The following VPS13A variants were observed in gnomAD, a reference collection of about 807,000 sequenced individuals.
VPS13A encodes the protein intermembrane lipid transfer protein VPS13A.
Under a neutral mutation model 390.9 loss-of-function variants are expected in VPS13A, and 264 were observed. That is an observed-to-expected ratio of 0.68 (90% CI 0.61 to 0.75). The LOEUF is 0.75. Among genes scored for constraint, VPS13A ranks in the 30% least tolerant of loss-of-function variants. The probability of loss-of-function intolerance (pLI) is 0.00; values close to 1 mark genes in which losing one functional copy is unlikely to be tolerated. For synonymous variants in VPS13A, 1,231 were observed against 1,227.1 expected (o/e 1.00, Z -0.07); for missense variants, 3,409 against 3,733.9 (o/e 0.91, Z 2.27).
intron 31 of VPS13A, among the ~76,000 whole-genome samples, chr9:77,289,143 G>A (rs190413537): frequency 6.6e-6 from 1 of 152,182 alleles, no homozygotes; most frequent in African/African-American, 2.4e-5. Flanking sequence ...TGTTGCCCAG[G>A]GTGGTCTTGA....
intron 53 of VPS13A, among the ~76,000 whole-genome samples, chr9:77,351,872 AAAAC>A (rs1398603096): frequency 6.6e-6 from 1 of 152,216 alleles, no homozygotes. Context: ...CGTCTCAAAA[AAAAC>A]AAACAAAAAA....
At chr9:77,295,086 A>G (rs1383078166) in intron 32 of VPS13A, among the ~76,000 whole-genome samples, 1 of 152,060 alleles carries the variant, frequency 6.6e-6, no homozygotes, top group Non-Finnish European at 1.5e-5. Context: ...GTATAAGAGT[A>G]TAAATATAGA....
chr9:77,307,289 A>G (rs1205187572), intron 34 of VPS13A, among the ~76,000 whole-genome samples: 2 of 152,156 alleles, frequency 1.3e-5, no homozygotes, highest in African/African-American at 2.4e-5. Context: ...TCTTATAAAT[A>G]TAAATATCAG....
intron 19 of VPS13A, among the ~76,000 whole-genome samples, chr9:77,243,845 A>G (rs933014073): frequency 6.6e-6 from 1 of 152,178 alleles, no homozygotes; most frequent in Non-Finnish European, 1.5e-5. Context: ...CCAATCAGGA[A>G]AGAAAAACCA....
intron 34 of VPS13A, 35 bp from the exon 35 acceptor site, chr9:77,307,910 A>G: frequency 6.6e-7 from 1 of 1,516,036 alleles, no homozygotes; most frequent in Non-Finnish European, 9.1e-7. Flanking sequence ...ATGAAGTAGC[A>G]GTGCTAAAAA....
At chr9:77,415,573 C>A (rs1417543405) in intron 71 of VPS13A, among the ~76,000 whole-genome samples, 1 of 152,100 alleles carries the variant, frequency 6.6e-6, no homozygotes, top group Non-Finnish European at 1.5e-5. Flanking sequence ...GCTTCTACTA[C>A]CCTCTCTGGA....
At chr9:77,407,099 A>G (rs1190717542) in intron 70 of VPS13A, among the ~76,000 whole-genome samples, 1 of 152,200 alleles carries the variant, frequency 6.6e-6, no homozygotes, top group African/African-American at 2.4e-5. Flanking sequence ...ACATGCACAT[A>G]CAATATATGT....
chr9:77,186,408 T>G (rs1410463346), intron 1 of VPS13A, among the ~76,000 whole-genome samples: 2 of 152,182 alleles, frequency 1.3e-5, no homozygotes, highest in Non-Finnish European at 2.9e-5. Flanking sequence ...TAAATCATTT[T>G]CCTTCTTTCT....
rs1488642209 is a variant in VPS13A, at chr9:77,228,117, C to T, written c.1453-5C>T. 5.1e-6 allele frequency: 8 copies of T among 1,581,650 alleles called. No homozygotes were observed. The highest frequency in any genetic ancestry group is 6.9e-6 in the Non-Finnish European group (8 of 1,159,248). On this transcript the variant is annotated splice_region_variant and splice_polypyrimidine_tract_variant and intron_variant, in intron 16 of 71. Transcript: ENST00000360280. ...TTTCATTTTATTCTTCTGAATATAC[C>T]TTAGTTTGAAGCCTTGAAGTTTTTT...
At chr9:77,249,180 A>G (rs1377492191) in intron 20 of VPS13A, among the ~76,000 whole-genome samples, 1 of 152,206 alleles carries the variant, frequency 6.6e-6, no homozygotes, top group Non-Finnish European at 1.5e-5. Context: ...TTTTCTGGCC[A>G]CTTAACAAAA....
chr9:77,226,674 A>G, intron 15 of VPS13A, 76 bp downstream of exon 15: 16 of 1,417,222 alleles, frequency 1.1e-5, no homozygotes, highest in Non-Finnish European at 1.5e-5. Flanking sequence ...TGCCTAATTA[A>G]AGTAAATAGA....
Position 77,370,349 on chromosome 9 carries a change from C to G in VPS13A, c.8743+17C>G. 1 of 1,614,120 alleles carries G rather than the reference C, an allele frequency of 6.2e-7. No homozygotes were observed. Among genetic ancestry groups the G allele is most frequent in the East Asian group, 2.2e-5 (1 of 44,886 alleles). On this transcript the variant is annotated intron_variant, in intron 64 of 71. Coordinates refer to ENST00000360280, the MANE Select transcript of VPS13A (RefSeq NM_033305.3). ...GAGCTGTTGGTAAGAAACAGAATATCTACCAAGTATTTTTGTGCTAGAAAG... is the reference window on the plus strand; with the variant it reads ...GAGCTGTTGGTAAGAAACAGAATATGTACCAAGTATTTTTGTGCTAGAAAG...
intron 51 of VPS13A, 53 bp from the exon 52 acceptor site, chr9:77,344,956 A>G: frequency 1.3e-6 from 2 of 1,572,326 alleles, no homozygotes; most frequent in Admixed American, 3.3e-5. Context: ...GTTATTAGTT[A>G]ATATTCTTGG....
At chr9:77,233,032 A>ACAG (rs1823925600) in intron 17 of VPS13A, among the ~76,000 whole-genome samples, 1 of 152,228 alleles carries the variant, frequency 6.6e-6, no homozygotes, top group Non-Finnish European at 1.5e-5. Context: ...TTATAGGTTT[A>ACAG]TAAGTAGGAT....
chr9:77,330,509 T>C (rs55839414), intron 45 of VPS13A, among the ~76,000 whole-genome samples: 171 of 152,336 alleles, frequency 1.1e-3, no homozygotes, highest in Non-Finnish European at 2.1e-3. Context: ...CTTTGGTAAC[T>C]AACTTCACAT....
Position 77,247,408 on chromosome 9 carries a change from A to C in VPS13A, c.2037+13A>C. The C allele has an allele frequency of 6.3e-7, 1 of 1,593,890 alleles. No individual in the cohort carries two copies. Among genetic ancestry groups the C allele is most frequent in the Middle Eastern group, 1.7e-4 (1 of 5,974 alleles). ...TGGTCATCTAAAGGTATATACTAAT[A>C]ATATTTGATTTATGATACAGCATTT... On this transcript the variant is annotated intron_variant, in intron 20 of 71. Transcript: ENST00000360280.
At chr9:77,229,366 C>T (rs1823696390) in intron 17 of VPS13A, among the ~76,000 whole-genome samples, 1 of 152,194 alleles carries the variant, frequency 6.6e-6, no homozygotes, top group Non-Finnish European at 1.5e-5. Context: ...CAGGTGTGAG[C>T]CTGGCTCATT....
intron 21 of VPS13A, among the ~76,000 whole-genome samples, chr9:77,250,879 T>G (rs145907781): frequency 6.6e-6 from 1 of 152,300 alleles, no homozygotes; most frequent in African/African-American, 2.4e-5. Flanking sequence ...TCGTTCAGCT[T>G]TCTTTTCGTT....
intron 60 of VPS13A, 68 bp from the exon 61 acceptor site, chr9:77,366,658 AT>A (rs1231620529): frequency 2.9e-6 from 4 of 1,388,736 alleles, no homozygotes; most frequent in African/African-American, 1.4e-5. Flanking sequence ...AATTAAACTG[AT>A]TTTTTAAGAG....
Sources: allele counts gnomAD v4.1 joint callset (sites outside exome capture counted in the v4.1 genomes callset), GRCh38; gene constraint gnomAD v4.1.1; transcripts MANE v1.5; gene names NCBI Gene and HGNC (gene_info 2026-07-23, HGNC 2026-07-21).